Variants in PCSK5 observed in about 807,000 individuals in gnomAD.
PCSK5 encodes the protein proprotein convertase subtilisin/kexin type 5, also known as prohormone convertase 5.
Under a neutral mutation model 233.2 loss-of-function variants are expected in PCSK5, and 129 were observed. The ratio of observed to expected loss-of-function variants is 0.55; its 90% confidence interval spans 0.48 to 0.64. The LOEUF (loss-of-function observed/expected upper bound fraction) is 0.64. Ranked by LOEUF, PCSK5 falls within the 30% of genes least tolerant of loss-of-function variation. The pLI is 0.00. For synonymous variants in PCSK5, 825 were observed against 879.2 expected, an observed-to-expected ratio of 0.94 and a Z score of 1.09; for missense variants, 2,076 against 2,430.1, an observed-to-expected ratio of 0.85 and a Z score of 3.06.
intron 7 of PCSK5, among the ~76,000 whole-genome samples, chr9:76,092,204 C>G (rs1374110953): frequency 1.3e-5 from 2 of 152,134 alleles, no homozygotes; most frequent in African/African-American, 4.8e-5. Flanking sequence ...ACTGCCAAGT[C>G]TGGAAAGGAC....
At chr9:76,066,620 A>G (rs1050736169) in intron 5 of PCSK5, among the ~76,000 whole-genome samples, 1 of 152,224 alleles carries the variant, frequency 6.6e-6, no homozygotes, top group African/African-American at 2.4e-5. Flanking sequence ...ATTTATATAT[A>G]TCATTTAAGG....
chr9:76,020,793 C>G (rs185059642), intron 3 of PCSK5, among the ~76,000 whole-genome samples: 1 of 152,180 alleles, frequency 6.6e-6, no homozygotes, highest in Non-Finnish European at 1.5e-5. Context: ...CACTCCAGGC[C>G]GGTTATCCCA....
intron 7 of PCSK5, 115 bp from the exon 8 acceptor site, chr9:76,095,775 A>G (rs1345639568): frequency 3.5e-6 from 3 of 853,202 alleles, no homozygotes; most frequent in Non-Finnish European, 5.8e-6. Flanking sequence ...TAAGCCCAGC[A>G]TATTAAGATA....
Position 76,238,976 on chromosome 9 carries a change from C to A in PCSK5, c.2884C>A (p.His962Asn), listed in dbSNP as rs1221738442. The change falls in exon 23 of 38, where the codon CAC (histidine) becomes AAC (asparagine). Residue 962 changes from histidine to asparagine, a missense_variant. Physicochemically the swap from His to Asn is moderately conservative, Grantham distance 68. Transcript: ENST00000674117. ...SCGADNYGRE[H>N]FLYQGECGDS... ...CTGATCAGACAACTATGGCCGAGAG[C>A]ACTTCCTGTACCAGGGAGAGTGTGG... is the stretch of plus-strand genomic sequence containing the variant. 2.5e-6 allele frequency: 4 copies of A among 1,611,946 alleles called. No homozygotes were observed. The highest frequency in any genetic ancestry group is 3.4e-6 in the Non-Finnish European group (4 of 1,179,514).
intron 7 of PCSK5, among the ~76,000 whole-genome samples, chr9:76,084,799 A>G (rs909304364): frequency 1.2e-4 from 19 of 152,182 alleles, no homozygotes; most frequent in African/African-American, 4.3e-4. Context: ...AAAAACCACT[A>G]TGTAACAAAC....
chr9:76,124,011 A>T (rs1441655059), intron 9 of PCSK5, among the ~76,000 whole-genome samples: 1 of 151,948 alleles, frequency 6.6e-6, no homozygotes, highest in African/African-American at 2.4e-5. Context: ...AGGGGATGCA[A>T]CTCTTTTCAT....
Position 76,295,386 on chromosome 9 carries a change from G to C in PCSK5, c.3297G>C (p.Trp1099Cys). Residue 1099 changes from tryptophan (W) to cysteine (C), a missense_variant, in exon 26 of 38, where the codon TGG (tryptophan) becomes TGC (cysteine). Physicochemically the swap from Trp to Cys is radical, Grantham distance 215 (BLOSUM62 -2). Transcript: ENST00000674117. Reference sequence around the variant, plus strand: ...GCTGTGACCAGAATGGGTGTTACTGGTGTGAAGAGGGCTTCTTTCTCTTAG... The same window carrying C: ...GCTGTGACCAGAATGGGTGTTACTGCTGTGAAGAGGGCTTCTTTCTCTTAG... ...CGSCDQNGCYWCEEGFFLLGG... is the reference protein window; with the variant it reads ...CGSCDQNGCYCCEEGFFLLGG... The C allele has an allele frequency of 2.5e-6, 4 of 1,612,556 alleles. No homozygotes were observed. Among genetic ancestry groups the C allele is most frequent in the Non-Finnish European group, 3.4e-6 (4 of 1,179,712 alleles).
intron 9 of PCSK5, among the ~76,000 whole-genome samples, chr9:76,127,865 G>A (rs11144759): frequency 0.019 from 2,344 of 122,676 alleles, 65 homozygotes; most frequent in African/African-American, 0.06. Context: ...CATTGCGGCT[G>A]AGGAAACAGA....
At chr9:76,122,560 C>T (rs7035893) in intron 9 of PCSK5, among the ~76,000 whole-genome samples, 67,038 of 151,778 alleles carry the variant, frequency 0.44, 15,740 homozygotes, top group Non-Finnish European at 0.51. Context: ...ATCAGCAACA[C>T]TGGTGTTTGG....
intron 7 of PCSK5, among the ~76,000 whole-genome samples, chr9:76,091,758 G>A (rs1334250263): frequency 6.6e-6 from 1 of 152,122 alleles, no homozygotes. Flanking sequence ...GACCAACTCC[G>A]ATTAGCCCCT....
intron 34 of PCSK5, among the ~76,000 whole-genome samples, chr9:76,334,666 G>T (rs1829627702): frequency 2.0e-5 from 3 of 152,178 alleles, no homozygotes; most frequent in Admixed American, 2.0e-4. Flanking sequence ...AGGAGGCCAA[G>T]GTTGCAGTGA....
In PCSK5 at chr9:76,222,670, G is replaced by A. The variant is rs186480029; in HGVS notation, c.2627-4833G>A. 2.7e-3 allele frequency among the ~76,000 whole-genome samples: 409 copies of A among 152,156 alleles called. 1 individual carries two copies. Among genetic ancestry groups the A allele is most frequent in the Non-Finnish European group, 4.8e-3 (324 of 68,016 alleles). On this transcript the variant is annotated intron_variant, in intron 20 of 37. Transcript: ENST00000674117. ...GTTCATCCATGTTGTAGAGTTTGTC[G>A]GAATTTCCTTTCTTTTTAAGGCTGA...
intron 16 of PCSK5, among the ~76,000 whole-genome samples, chr9:76,183,201 C>T (rs1489084450): frequency 6.6e-6 from 1 of 152,130 alleles, no homozygotes; most frequent in East Asian, 1.9e-4. Context: ...TATGACAGAA[C>T]CAAGGTAATT....
chr9:76,060,609 CTAAT>C lies in PCSK5; in HGVS notation c.633-7340_633-7337del, dbSNP rs201615999. On this transcript the variant is annotated intron_variant, in intron 5 of 37. Coordinates refer to ENST00000674117, the MANE Select transcript of PCSK5 (RefSeq NM_001372043.1). ...AGACAAATACTGTTCAAATTACTAA[CTAAT>C]TAATTTCTAGGGTTAAAAAATCCAG... is the stretch of plus-strand genomic sequence containing the variant. Among the ~76,000 whole-genome samples, 1,472 of 152,180 alleles carry C rather than the reference CTAAT, an allele frequency of 9.7e-3. 29 individuals are homozygous for C. Among genetic ancestry groups the C allele is most frequent in the African/African-American group, 0.034 (1,419 of 41,512 alleles).
intron 5 of PCSK5, among the ~76,000 whole-genome samples, chr9:76,030,087 C>A (rs1347517220): frequency 6.6e-6 from 1 of 151,444 alleles, no homozygotes; most frequent in Non-Finnish European, 1.5e-5. Context: ...TTGTTAAAAG[C>A]TGGAAATAGC....
intron 5 of PCSK5, among the ~76,000 whole-genome samples, chr9:76,041,471 C>T (rs1829113016): frequency 6.6e-6 from 1 of 152,206 alleles, no homozygotes; most frequent in Non-Finnish European, 1.5e-5. Flanking sequence ...TCTCCTTTAT[C>T]TAAAACTTAA....
At position 75,961,039 on chromosome 9, in the gene PCSK5, C is replaced by A. The variant is rs561174883; in HGVS notation, c.298-25093C>A. Among the ~76,000 whole-genome samples the A allele has an allele frequency of 3.9e-5, 6 of 152,324 alleles. No homozygotes were observed. The South Asian group carries it at 1.0e-3, about 26-fold the overall frequency. On this transcript the variant is annotated intron_variant, in intron 2 of 37. Transcript: ENST00000674117. Reference sequence around the variant, plus strand: ...GAGGAATGGCATCAAGTAACATCTGCCTGGAAGGAAGATGGCTTCTTGCTA... The same window carrying A: ...GAGGAATGGCATCAAGTAACATCTGACTGGAAGGAAGATGGCTTCTTGCTA...
chr9:75,997,444 T>G (rs1049071618), intron 3 of PCSK5, among the ~76,000 whole-genome samples: 3 of 152,156 alleles, frequency 2.0e-5, no homozygotes, highest in Non-Finnish European at 4.4e-5. Context: ...ATCAATATGA[T>G]TTTTCCAGTT....
intron 34 of PCSK5, among the ~76,000 whole-genome samples, chr9:76,334,621 C>T (rs1490355191): frequency 6.6e-6 from 1 of 152,178 alleles, no homozygotes; most frequent in Non-Finnish European, 1.5e-5. Flanking sequence ...ATCCCAGCTA[C>T]TTGGGAGGCT....
Sources: allele counts gnomAD v4.1 joint callset (sites outside exome capture counted in the v4.1 genomes callset), GRCh38; gene constraint gnomAD v4.1.1; transcripts MANE v1.5; gene names NCBI Gene and HGNC (gene_info 2026-07-23, HGNC 2026-07-21).